ZNF652: variants seen among roughly 807,000 people sequenced by gnomAD.
ZNF652 encodes the protein zinc finger protein 652.
Under a neutral mutation model 45.2 loss-of-function variants are expected in ZNF652, and 16 were observed. The observed-to-expected ratio is 0.35, with a 90% CI of 0.24 to 0.54. ZNF652 has a LOEUF of 0.54. Ranked by LOEUF, ZNF652 falls within the 20% of genes least tolerant of loss-of-function variation. ZNF652 has a pLI of 0.91. For synonymous variants in ZNF652, 250 were observed against 260.6 expected (o/e 0.96, Z 0.39); for missense variants, 614 against 765.6 (o/e 0.80, Z 2.34).
chr17:49,336,298 C>G (rs2070079837), intron 1 of ZNF652, among the ~76,000 whole-genome samples: 1 of 149,030 alleles, frequency 6.7e-6, no homozygotes, highest in African/African-American at 2.5e-5. Flanking sequence ...GCTGGGATTA[C>G]AGGCATGAGC....
intron 5 of ZNF652, among the ~76,000 whole-genome samples, chr17:49,304,173 T>G (rs1245648931): frequency 6.6e-6 from 1 of 151,592 alleles, no homozygotes; most frequent in Non-Finnish European, 1.5e-5. Flanking sequence ...GTGCTGGGAT[T>G]ACAGGTGTGA....
Position 49,311,454 on chromosome 17 carries a change from G to C in ZNF652, c.1167C>G (p.Asn389Lys). ...HSGEKPFRCE[N>K]CDERFQYKYQ... ...ACTTGTACTGAAACCTTTCGTCACA[G>C]TTCTGCATTGGATACAGTGGAGATT... Residue 389 changes from asparagine (N) to lysine (K), a missense_variant and splice_region_variant, in exon 5 of 6, where the codon AAC (asparagine) becomes AAG (lysine). Physicochemically the swap from Asn to Lys is moderately conservative, Grantham distance 94. Coordinates refer to ENST00000430262, the MANE Select transcript of ZNF652 (RefSeq NM_001145365.3). 1 of 1,613,822 alleles carries C rather than the reference G, an allele frequency of 6.2e-7. No individual in the cohort carries two copies. The highest frequency in any genetic ancestry group is 8.5e-7 in the Non-Finnish European group (1 of 1,179,806).
rs2069480290 is a variant in ZNF652, at chr17:49,296,584, G to C, written c.*1829C>G. On this transcript the variant is annotated 3_prime_UTR_variant, in exon 6 of 6. Transcript: ENST00000430262. Reference sequence around the variant, plus strand: ...GAAGAAATTTCAAGATTAAAAAATGGACTGGGCATGGTAGCATGCACCTGT... The same window carrying C: ...GAAGAAATTTCAAGATTAAAAAATGCACTGGGCATGGTAGCATGCACCTGT... 2 of 152,240 alleles carry C rather than the reference G, an allele frequency of 1.3e-5. No individual in the cohort carries two copies. Among genetic ancestry groups the C allele is most frequent in the Admixed American group, 6.5e-5 (1 of 15,284 alleles). The allele number at this position is 152,240 out of a possible 1,614,324, so 9.4% of individuals were successfully genotyped here. A position where few individuals can be genotyped will look rare whatever the true frequency, so the allele number is the denominator to read the frequency against.
rs183710581 is a variant in ZNF652 at position 49,325,643 on chromosome 17, T to A, written c.-258-7660A>T. 2.0e-4 allele frequency among the ~76,000 whole-genome samples: 30 copies of A among 148,450 alleles called. No homozygotes were observed. The East Asian group carries it at 5.8e-3, about 29-fold the overall frequency. On this transcript the variant is annotated intron_variant, in intron 1 of 5. Transcript: ENST00000430262. ...CTTCAGCCTGGGCAACATGGTGAGA[T>A]CTCGTCTCTACAAAAAAAAAAAAAT...
intron 5 of ZNF652, among the ~76,000 whole-genome samples, chr17:49,309,509 G>GAAA: frequency 7.6e-6 from 1 of 132,388 alleles, no homozygotes; most frequent in East Asian, 2.1e-4. Context: ...CTCCATCTCG[G>GAAA]AAAAAAAAAA....
In ZNF652 at chr17:49,313,989, AAAAAAAAAAAAAAAAAAAAAAAAAG is replaced by A. The variant is rs1399281526; in HGVS notation, c.901-1169_901-1145del. Reference sequence around the variant, plus strand: ...ACTCCATCTCAAAAAAAAAAAAAAAAAAAAAAAAAAAAAAAAAAAAAAAAGAAAAGAAAAGAAAATGCATTTGGAG... The same window carrying A: ...ACTCCATCTCAAAAAAAAAAAAAAAAAAAAGAAAAGAAAATGCATTTGGAG... On this transcript the variant is annotated intron_variant, in intron 2 of 5. Transcript: ENST00000430262. Among the ~76,000 whole-genome samples the A allele has an allele frequency of 5.9e-3, 645 of 109,116 alleles. 2 individuals are homozygous for A. The highest frequency in any genetic ancestry group is 9.3e-3 in the Non-Finnish European group (478 of 51,206). 71.6% of individuals were successfully genotyped at this position (109,116 alleles called of 152,430 possible).
chr17:49,360,593 T>C (rs1197677021), intron 1 of ZNF652, among the ~76,000 whole-genome samples: 1 of 151,946 alleles, frequency 6.6e-6, no homozygotes, highest in Non-Finnish European at 1.5e-5. Flanking sequence ...CAAGCCCCAC[T>C]CACAAAACAG....
rs530210303 is a variant in ZNF652 at position 49,361,564 on chromosome 17, G to C, written c.-259+345C>G. The stretch of plus-strand genomic sequence containing the variant: ...GGAGAACGCTCGCAGGAGGACCGGT[G>C]CAAACCTCCTCTCGGCCCGCTAACC... On this transcript the variant is annotated intron_variant, in intron 1 of 5. Coordinates refer to ENST00000430262, the MANE Select transcript of ZNF652 (RefSeq NM_001145365.3). Among the ~76,000 whole-genome samples, 266 of 152,332 alleles carry C rather than the reference G, an allele frequency of 1.7e-3. 2 individuals carry two copies. Among genetic ancestry groups the C allele is most frequent in the African/African-American group, 6.2e-3 (259 of 41,578 alleles).
At position 49,298,280 on chromosome 17, in the gene ZNF652, T is replaced by C. The variant is rs2069501700; in HGVS notation, c.*133A>G. 16 of 1,117,152 alleles carry C rather than the reference T, an allele frequency of 1.4e-5. No individual in the cohort carries two copies. Among genetic ancestry groups the C allele is most frequent in the South Asian group, 4.8e-5 (3 of 62,562 alleles). 69.2% of individuals were successfully genotyped at this position (1,117,152 alleles called of 1,614,324 possible). A position where few individuals can be genotyped will look rare whatever the true frequency, so the allele number is the denominator to read the frequency against. ...TTGTTCATTCCCTTGGATCTGTTGA[T>C]TCAGTGACACTGGCGAAGCTCTTGG... On this transcript the variant is annotated 3_prime_UTR_variant, in exon 6 of 6. Transcript: ENST00000430262.
chr17:49,312,301 G>C (rs934794401), intron 3 of ZNF652, among the ~76,000 whole-genome samples: 1 of 151,862 alleles, frequency 6.6e-6, no homozygotes, highest in East Asian at 1.9e-4. Context: ...GAGTAGTTGG[G>C]ATTACAGGCA....
intron 2 of ZNF652, among the ~76,000 whole-genome samples, chr17:49,314,946 T>C (rs1245075418): frequency 6.6e-6 from 1 of 152,116 alleles, no homozygotes; most frequent in Non-Finnish European, 1.5e-5. Flanking sequence ...CATGGCTTAC[T>C]GCAGGATCAA....
intron 1 of ZNF652, among the ~76,000 whole-genome samples, chr17:49,356,903 T>A (rs2070343382): frequency 6.6e-6 from 1 of 151,504 alleles, no homozygotes; most frequent in South Asian, 2.1e-4. Context: ...ACCTAAGAAA[T>A]CCTATTTTAC....
At chr17:49,347,390 C>A (rs1184104652) in intron 1 of ZNF652, among the ~76,000 whole-genome samples, 1 of 151,772 alleles carries the variant, frequency 6.6e-6, no homozygotes, top group Non-Finnish European at 1.5e-5. Context: ...CATGGTGAAA[C>A]CTGGTCTCTA....
chr17:49,317,892 C>T lies in ZNF652; in HGVS notation c.-167G>A. ...TTCTTCCAGTGTTGCAGCACCAAAG[C>T]ATGAGTCAAAAAGGTTTGGTATTAT... is the stretch of plus-strand genomic sequence containing the variant. On this transcript the variant is annotated 5_prime_UTR_variant, in exon 2 of 6. An upstream start codon of the reference 5' UTR is lost. Coordinates refer to ENST00000430262, the MANE Select transcript of ZNF652 (RefSeq NM_001145365.3). 1 of 759,528 alleles carries T rather than the reference C, an allele frequency of 1.3e-6. No individual in the cohort carries two copies. The highest frequency in any genetic ancestry group is 2.0e-6 in the Non-Finnish European group (1 of 506,392). The allele number at this position is 759,528 out of a possible 1,614,324, so 47.0% of individuals were successfully genotyped here.
intron 1 of ZNF652, among the ~76,000 whole-genome samples, chr17:49,325,418 A>G (rs2069946345): frequency 3.3e-5 from 5 of 152,218 alleles, no homozygotes; most frequent in Admixed American, 3.3e-4. Flanking sequence ...CAAAACAATT[A>G]TAACAGTAAC....
chr17:49,305,488 A>C (rs934944537), intron 5 of ZNF652, among the ~76,000 whole-genome samples: 1 of 152,202 alleles, frequency 6.6e-6, no homozygotes, highest in African/African-American at 2.4e-5. Context: ...AATCTCCTTA[A>C]TAGATTATTA....
intron 5 of ZNF652, among the ~76,000 whole-genome samples, chr17:49,302,787 C>T (rs2069572502): frequency 6.6e-6 from 1 of 151,478 alleles, no homozygotes; most frequent in Admixed American, 6.6e-5. Context: ...CATGGTGAAA[C>T]TCCATCTCTA....
chr17:49,312,159 CTTTTTTTTTTTTT>C, intron 3 of ZNF652, 117 bp from the exon 4 acceptor site: 3 of 137,702 alleles, frequency 2.2e-5, no homozygotes, highest in South Asian at 1.5e-4. Context: ...ATTTGTGAGG[CTTTTTTTTTTTTT>C]TTTTTTTTTT....
In ZNF652 at chr17:49,296,117, G is replaced by A. The variant is rs1317991234; in HGVS notation, c.*2296C>T. The A allele has an allele frequency of 6.6e-6, 1 of 152,210 alleles. No homozygotes were observed. Among genetic ancestry groups the A allele is most frequent in the East Asian group, 1.9e-4 (1 of 5,202 alleles). 9.4% of individuals were successfully genotyped at this position (152,210 alleles called of 1,614,324 possible). ...TGGAATGCCAAGGAGACTGTGGAGG[G>A]AGAGGGAGACAACCACTAAAGATAT... is the stretch of plus-strand genomic sequence containing the variant. On this transcript the variant is annotated 3_prime_UTR_variant, in exon 6 of 6. Coordinates refer to ENST00000430262, the MANE Select transcript of ZNF652 (RefSeq NM_001145365.3).
Sources: gnomAD v4.1 joint callset for allele counts (sites outside exome capture counted in the v4.1 genomes callset) on GRCh38, gnomAD v4.1.1 for gene constraint, MANE v1.5 for transcripts, NCBI Gene and HGNC (gene_info 2026-07-23, HGNC 2026-07-21) for gene names.